CMTM8: variants seen among roughly 807,000 people sequenced by gnomAD.
CMTM8 encodes CKLF-like MARVEL transmembrane domain-containing protein 8.
CMTM8 carries 12 observed loss-of-function variants against 18.6 expected under a neutral mutation model. The observed-to-expected ratio is 0.65, with a 90% CI of 0.41 to 1.05. The LOEUF (loss-of-function observed/expected upper bound fraction) is 1.05. Among genes scored for constraint, CMTM8 ranks in the 50% least tolerant of loss-of-function variants. The pLI is 0.00. For synonymous variants in CMTM8, 87 were observed against 90.6 expected, an observed-to-expected ratio of 0.96 and a Z score of 0.23; for missense variants, 217 against 227.2, an observed-to-expected ratio of 0.95 and a Z score of 0.29.
chr3:32,306,168 C>G (rs766682361), intron 1 of CMTM8, among the ~76,000 whole-genome samples: 2 of 152,220 alleles, frequency 1.3e-5, no homozygotes, highest in Non-Finnish European at 2.9e-5. Context: ...ACTCATTCAT[C>G]TGTGATCTGC....
chr3:32,248,422 C>T (rs998591106), intron 1 of CMTM8, among the ~76,000 whole-genome samples: 9 of 152,066 alleles, frequency 5.9e-5, no homozygotes, highest in African/African-American at 1.9e-4. Flanking sequence ...GGTGCGGTAG[C>T]GCGATCTTGG....
rs995168756 is a variant in CMTM8 at position 32,265,073 on chromosome 3, G to T, written c.147+25954G>T. Reference sequence around the variant, plus strand: ...ACACAAAGTTAACAAGGATATCCAGGAATTGAACTCAGCTGTGCACCAAGC... The same window carrying T: ...ACACAAAGTTAACAAGGATATCCAGTAATTGAACTCAGCTGTGCACCAAGC... On this transcript the variant is annotated intron_variant, in intron 1 of 3. Transcript: ENST00000307526. Among the ~76,000 whole-genome samples, 3 of 152,050 alleles carry T rather than the reference G, an allele frequency of 2.0e-5. No individual in the cohort carries two copies. The East Asian group carries it at 5.8e-4, about 29-fold the overall frequency.
At chr3:32,350,521 C>G (rs1696686188) in intron 1 of CMTM8, among the ~76,000 whole-genome samples, 2 of 89,162 alleles carry the variant, frequency 2.2e-5, no homozygotes, top group Admixed American at 3.1e-4. Context: ...CCAGGCCCAG[C>G]TAATTTTTTT....
At chr3:32,342,623 G>T (rs529135798) in intron 1 of CMTM8, among the ~76,000 whole-genome samples, 25 of 152,276 alleles carry the variant, frequency 1.6e-4, no homozygotes, top group African/African-American at 5.5e-4. Flanking sequence ...ACATCGTGTT[G>T]GCATTATTAC....
intron 1 of CMTM8, among the ~76,000 whole-genome samples, chr3:32,347,268 TTTTTTGG>T (rs1336579350): frequency 6.6e-6 from 1 of 150,490 alleles, no homozygotes; most frequent in Admixed American, 6.8e-5. Flanking sequence ...TTTTGTTTTG[TTTTTTGG>T]TTTTTGGTTT....
intron 1 of CMTM8, among the ~76,000 whole-genome samples, chr3:32,337,463 C>T (rs1407011454): frequency 6.6e-6 from 1 of 152,196 alleles, no homozygotes; most frequent in Non-Finnish European, 1.5e-5. Flanking sequence ...GGGCTGGCTG[C>T]AGCTTTACTT....
intron 2 of CMTM8, among the ~76,000 whole-genome samples, chr3:32,364,019 G>A (rs1319553920): frequency 6.6e-6 from 1 of 152,188 alleles, no homozygotes; most frequent in Non-Finnish European, 1.5e-5. Flanking sequence ...TGGTAATAGG[G>A]ACTAGAGAGC....
At chr3:32,361,827 T>A (rs1435316972) in intron 2 of CMTM8, among the ~76,000 whole-genome samples, 1 of 152,132 alleles carries the variant, frequency 6.6e-6, no homozygotes, top group Non-Finnish European at 1.5e-5. Context: ...TCAGGGAGAC[T>A]TGGATAGGTT....
chr3:32,345,064 G>T (rs917231243), intron 1 of CMTM8, among the ~76,000 whole-genome samples: 2 of 152,160 alleles, frequency 1.3e-5, no homozygotes, highest in Admixed American at 1.3e-4. Context: ...TTCAGGCTGG[G>T]CATGGTGGCT....
chr3:32,268,107 G>T (rs1166928343), intron 1 of CMTM8, among the ~76,000 whole-genome samples: 1 of 152,162 alleles, frequency 6.6e-6, no homozygotes, highest in African/African-American at 2.4e-5. Flanking sequence ...TATACCCAAA[G>T]GATTATAAAT....
chr3:32,286,781 A>C (rs894052381), intron 1 of CMTM8, among the ~76,000 whole-genome samples: 2 of 152,228 alleles, frequency 1.3e-5, no homozygotes, highest in Non-Finnish European at 2.9e-5. Flanking sequence ...AAAAGGGCGC[A>C]AAAAAACTCA....
intron 1 of CMTM8, among the ~76,000 whole-genome samples, chr3:32,351,248 GA>G (rs1301447532): frequency 6.6e-6 from 1 of 152,100 alleles, no homozygotes; most frequent in East Asian, 1.9e-4. Flanking sequence ...CTATCTGCTA[GA>G]AAAAAATAAA....
At chr3:32,299,587 G>A (rs534144658) in intron 1 of CMTM8, among the ~76,000 whole-genome samples, 1 of 152,214 alleles carries the variant, frequency 6.6e-6, no homozygotes, top group East Asian at 1.9e-4. Flanking sequence ...GGAAAATGAG[G>A]TATCTATTCC....
At chr3:32,346,044 C>T (rs1016857652) in intron 1 of CMTM8, among the ~76,000 whole-genome samples, 13 of 152,148 alleles carry the variant, frequency 8.5e-5, no homozygotes, top group Non-Finnish European at 1.8e-4. Context: ...GTCCCACAGG[C>T]TTGGGAGGCC....
intron 1 of CMTM8, among the ~76,000 whole-genome samples, chr3:32,326,770 C>T (rs895519919): frequency 1.3e-5 from 2 of 152,142 alleles, no homozygotes; most frequent in Non-Finnish European, 2.9e-5. Context: ...CCTACCTTGG[C>T]CTCCCAAAGT....
intron 1 of CMTM8, among the ~76,000 whole-genome samples, chr3:32,312,763 GC>G (rs1451036319): frequency 6.6e-6 from 1 of 150,702 alleles, no homozygotes. Flanking sequence ...CATGATTTGT[GC>G]CCCCTAGCAA....
At chr3:32,275,545 A>G (rs1339894938) in intron 1 of CMTM8, among the ~76,000 whole-genome samples, 1 of 151,472 alleles carries the variant, frequency 6.6e-6, no homozygotes, top group Admixed American at 6.6e-5. Flanking sequence ...GGGGGAGATG[A>G]TAGTATCCAA....
intron 1 of CMTM8, among the ~76,000 whole-genome samples, chr3:32,316,869 T>G (rs929157042): frequency 6.6e-6 from 1 of 152,190 alleles, no homozygotes; most frequent in East Asian, 1.9e-4. Context: ...TGAAAGTCAA[T>G]TTGCCAATAT....
chr3:32,332,569 G>T (rs1249293057), intron 1 of CMTM8, among the ~76,000 whole-genome samples: 1 of 152,114 alleles, frequency 6.6e-6, no homozygotes, highest in Non-Finnish European at 1.5e-5. Context: ...TGAGAAACAA[G>T]GTTGCTGAGA....
Sources: allele counts gnomAD v4.1 joint callset (sites outside exome capture counted in the v4.1 genomes callset), GRCh38; gene constraint gnomAD v4.1.1; transcripts MANE v1.5; gene names NCBI Gene and HGNC (gene_info 2026-07-23, HGNC 2026-07-21).